GLMN: variants seen among roughly 807,000 people sequenced by gnomAD.
GLMN encodes the protein glomulin.
Under a neutral mutation model 87.8 loss-of-function variants are expected in GLMN, and 75 were observed. That is an observed-to-expected ratio of 0.85 (90% CI 0.71 to 1.04). The LOEUF (loss-of-function observed/expected upper bound fraction) is 1.04. GLMN is among the 50% of genes least tolerant of loss of function. The probability of loss-of-function intolerance (pLI) is 0.00; values close to 1 mark genes in which losing one functional copy is unlikely to be tolerated. For missense variants in GLMN, 588 were observed against 658.8 expected, an observed-to-expected ratio of 0.89 and a Z score of 1.18; for synonymous variants, 206 against 221.6, an observed-to-expected ratio of 0.93 and a Z score of 0.63.
the GLMN span, among the ~76,000 whole-genome samples, chr1:92,318,466 C>G: frequency 1.3e-5 from 2 of 152,164 alleles, no homozygotes; most frequent in Non-Finnish European, 2.9e-5. Flanking sequence ...GCCCTGTTCT[C>G]TCTACTATGT....
At chr1:92,318,105 T>A in the GLMN span, among the ~76,000 whole-genome samples, 1 of 152,236 alleles carries the variant, frequency 6.6e-6, no homozygotes, top group African/African-American at 2.4e-5. Flanking sequence ...TTTCTTGAGC[T>A]CTACAGTCAG....
At chr1:92,311,086 A>T in the GLMN span, among the ~76,000 whole-genome samples, 1 of 152,214 alleles carries the variant, frequency 6.6e-6, no homozygotes, top group Non-Finnish European at 1.5e-5. Flanking sequence ...TTGCTTTTTT[A>T]AAATGCTGGC....
At chr1:92,263,855 TC>T in intron 14 of GLMN, 123 bp from the exon 15 acceptor site, 1 of 703,094 alleles carries the variant, frequency 1.4e-6, no homozygotes, top group Admixed American at 2.1e-5. Flanking sequence ...AACTTTAATT[TC>T]CGTACTTTCA....
rs1652678854 is a variant in GLMN at position 92,246,468 on chromosome 1, A to G, written c.*62T>C. The G allele has an allele frequency of 3.9e-6, 3 of 773,896 alleles. No homozygotes were observed. Among genetic ancestry groups the G allele is most frequent in the Non-Finnish European group, 6.7e-6 (3 of 445,218 alleles). The allele number at this position is 773,896 out of a possible 1,614,324, so 47.9% of individuals were successfully genotyped here. On this transcript the variant is annotated 3_prime_UTR_variant, in exon 19 of 19. Coordinates refer to ENST00000370360, the MANE Select transcript of GLMN (RefSeq NM_053274.3). Reference sequence around the variant, plus strand: ...TTACAGAAAAATTTTTTATAAAGGTATTAAATGAATCATAATGGAAAGTAC... The same window carrying G: ...TTACAGAAAAATTTTTTATAAAGGTGTTAAATGAATCATAATGGAAAGTAC...
At chr1:92,274,894 C>T (rs1247279410) in intron 7 of GLMN, among the ~76,000 whole-genome samples, 1 of 152,158 alleles carries the variant, frequency 6.6e-6, no homozygotes, top group Non-Finnish European at 1.5e-5. Flanking sequence ...CCTCCTAACC[C>T]CCCTTCTTTC....
the GLMN span, among the ~76,000 whole-genome samples, chr1:92,359,058 C>T: frequency 6.6e-6 from 1 of 152,162 alleles, no homozygotes. Flanking sequence ...CTTGCCCCCA[C>T]CTTTTATGGA....
chr1:92,344,892 C>A, the GLMN span, among the ~76,000 whole-genome samples: 1 of 152,036 alleles, frequency 6.6e-6, no homozygotes, highest in Non-Finnish European at 1.5e-5. Context: ...CTGTTCATAT[C>A]CTTTACCATT....
chr1:92,349,692 C>G, the GLMN span, among the ~76,000 whole-genome samples: 1 of 152,234 alleles, frequency 6.6e-6, no homozygotes, highest in African/African-American at 2.4e-5. Flanking sequence ...TTTTGGGAGG[C>G]TGAGGCAGGA....
At chr1:92,319,145 A>G in the GLMN span, among the ~76,000 whole-genome samples, 1 of 152,218 alleles carries the variant, frequency 6.6e-6, no homozygotes, top group Non-Finnish European at 1.5e-5. Flanking sequence ...ATCCATCTTT[A>G]TAAGCCCAGC....
At chr1:92,254,513 A>G (rs1437688214) in intron 16 of GLMN, among the ~76,000 whole-genome samples, 1 of 152,238 alleles carries the variant, frequency 6.6e-6, no homozygotes, top group Non-Finnish European at 1.5e-5. Context: ...AAGTGCAGCC[A>G]GAGAGAAAGG....
At chr1:92,307,882 C>T in the GLMN span, among the ~76,000 whole-genome samples, 2 of 151,792 alleles carry the variant, frequency 1.3e-5, no homozygotes, top group African/African-American at 4.8e-5. Flanking sequence ...ACAAGTTATC[C>T]TTATGGTAAT....
At chr1:92,257,994 A>G (rs1217155761) in intron 16 of GLMN, among the ~76,000 whole-genome samples, 1 of 152,182 alleles carries the variant, frequency 6.6e-6, no homozygotes, top group African/African-American at 2.4e-5. Flanking sequence ...GAATGGGAGA[A>G]AATTTTTGCA....
chr1:92,259,063 C>T (rs1654653597), intron 16 of GLMN, among the ~76,000 whole-genome samples: 1 of 152,126 alleles, frequency 6.6e-6, no homozygotes, highest in South Asian at 2.1e-4. Flanking sequence ...TGGCCTTTGC[C>T]ATCTCATTGT....
chr1:92,336,990 TACTC>T, the GLMN span, among the ~76,000 whole-genome samples: 3 of 152,096 alleles, frequency 2.0e-5, no homozygotes, highest in East Asian at 1.9e-4. Flanking sequence ...AAGATAAAAA[TACTC>T]ACTCAGGCTA....
chr1:92,360,026 C>T, the GLMN span, among the ~76,000 whole-genome samples: 15 of 152,160 alleles, frequency 9.9e-5, no homozygotes, highest in African/African-American at 3.6e-4. Context: ...CACTCACCAA[C>T]GGAAGAAATA....
the GLMN span, among the ~76,000 whole-genome samples, chr1:92,359,349 C>T: frequency 3.3e-5 from 5 of 152,152 alleles, no homozygotes; most frequent in South Asian, 2.1e-4. Context: ...GACAGAGTTA[C>T]GCTCTTGTTG....
At chr1:92,321,782 T>C in the GLMN span, among the ~76,000 whole-genome samples, 2 of 152,132 alleles carry the variant, frequency 1.3e-5, no homozygotes, top group Non-Finnish European at 2.9e-5. Context: ...TGTTCTGCTA[T>C]GACTTTCCTG....
the GLMN span, among the ~76,000 whole-genome samples, chr1:92,338,305 T>A: frequency 6.6e-6 from 1 of 152,366 alleles, no homozygotes; most frequent in Non-Finnish European, 1.5e-5. Context: ...AGTTCAGGGA[T>A]GTCAATCCTC....
chr1:92,314,354 T>TG, the GLMN span, among the ~76,000 whole-genome samples: 1 of 151,526 alleles, frequency 6.6e-6, no homozygotes, highest in African/African-American at 2.4e-5. Context: ...TTTTTGGGTT[T>TG]TTTTTTTTTT....
Sources: gnomAD v4.1 joint callset for allele counts (sites outside exome capture counted in the v4.1 genomes callset) on GRCh38, gnomAD v4.1.1 for gene constraint, MANE v1.5 for transcripts, NCBI Gene and HGNC (gene_info 2026-07-23, HGNC 2026-07-21) for gene names.